Variants in DNTTIP1 observed in about 807,000 individuals in gnomAD.
The protein encoded by DNTTIP1 is deoxynucleotidyltransferase terminal-interacting protein 1.
Under a neutral mutation model 52.9 loss-of-function variants are expected in DNTTIP1, and 22 were observed. The observed-to-expected ratio is 0.42, with a 90% CI of 0.30 to 0.59. The LOEUF (loss-of-function observed/expected upper bound fraction) is 0.59, where lower values mean the gene tolerates loss of function less well. DNTTIP1 is among the 20% of genes least tolerant of loss of function. The pLI is 0.22. For missense variants in DNTTIP1, 286 were observed against 435.5 expected, an observed-to-expected ratio of 0.66 and a Z score of 3.06; for synonymous variants, 136 against 155.1, an observed-to-expected ratio of 0.88 and a Z score of 0.92.
rs1282333718 is a variant in DNTTIP1, at chr20:45,802,603, G to A, written c.557+546G>A. The stretch of plus-strand genomic sequence containing the variant: ...CAGCCTCCCCCATTATCGACATCAG[G>A]CACCAGAGTGGTACATTTGTTACAT... On this transcript the variant is annotated intron_variant, in intron 7 of 12. Transcript: ENST00000372622. 2.6e-5 allele frequency among the ~76,000 whole-genome samples: 4 copies of A among 152,036 alleles called. 1 individual carries two copies. Among genetic ancestry groups the A allele is most frequent in the East Asian group, 3.9e-4 (2 of 5,192 alleles).
intron 10 of DNTTIP1, among the ~76,000 whole-genome samples, chr20:45,807,862 G>C (rs1406174167): frequency 6.6e-6 from 1 of 152,010 alleles, no homozygotes; most frequent in African/African-American, 2.4e-5. Context: ...TGAGGCAGGA[G>C]AATTGCCTAA....
chr20:45,797,881 G>T (rs555842914), intron 4 of DNTTIP1, among the ~76,000 whole-genome samples: 1 of 152,186 alleles, frequency 6.6e-6, no homozygotes, highest in Non-Finnish European at 1.5e-5. Flanking sequence ...TACACTGTTG[G>T]TGGGACCGTA....
chr20:45,809,319 G>T lies in DNTTIP1; in HGVS notation c.795+134G>T. On this transcript the variant is annotated intron_variant, in intron 11 of 12. Coordinates refer to ENST00000372622, the MANE Select transcript of DNTTIP1 (RefSeq NM_052951.3). The surrounding 1 kb of genome is among the most constrained non-coding windows in gnomAD (Gnocchi z 4.2). ...AATGTGTGAGAAGAGAGACTTATAA[G>T]GCCTATTTCTTCATGCTGAAGAGCA... The T allele has an allele frequency of 1.4e-6, 1 of 738,964 alleles. No individual in the cohort carries two copies. The highest frequency in any genetic ancestry group is 1.6e-5 in the South Asian group (1 of 60,832). 45.8% of individuals were successfully genotyped at this position (738,964 alleles called of 1,614,324 possible). A position where few individuals can be genotyped will look rare whatever the true frequency, so the allele number is the denominator to read the frequency against.
In DNTTIP1 at chr20:45,803,397, G is replaced by A. The variant is rs1981536626; in HGVS notation, c.603+19G>A. The A allele has an allele frequency of 2.5e-6, 4 of 1,613,994 alleles. No homozygotes were observed. In the East Asian group the frequency reaches 8.9e-5, roughly 36 times the overall value. ...CCCCAAGGTATGATTATGTGAGCAT[G>A]GCAGAGATCACGATCCCAGGAGATA... On this transcript the variant is annotated intron_variant, in intron 8 of 12. Coordinates refer to ENST00000372622, the MANE Select transcript of DNTTIP1 (RefSeq NM_052951.3).
chr20:45,795,585 G>A, intron 4 of DNTTIP1, 142 bp downstream of exon 4: 1 of 537,012 alleles, frequency 1.9e-6, no homozygotes, highest in Non-Finnish European at 3.4e-6. Context: ...GATCACTCAA[G>A]GCCAGGAGTT....
At chr20:45,803,210 C>T (rs1347106797) in intron 7 of DNTTIP1, 123 bp from the exon 8 acceptor site, 23 of 916,114 alleles carry the variant, frequency 2.5e-5, no homozygotes, top group South Asian at 6.1e-5. Flanking sequence ...TGTGTCACCA[C>T]GAAGGAGGAT....
chr20:45,794,123 T>C, intron 3 of DNTTIP1, 106 bp downstream of exon 3: 1 of 597,644 alleles, frequency 1.7e-6, no homozygotes, highest in Non-Finnish European at 2.8e-6. Flanking sequence ...ATATCTAAAG[T>C]TTTCCTTTCT....
intron 1 of DNTTIP1, 42 bp downstream of exon 1, chr20:45,792,151 G>C: frequency 1.7e-6 from 2 of 1,144,218 alleles, no homozygotes; most frequent in Non-Finnish European, 2.2e-6. Flanking sequence ...GGCCGGGCAC[G>C]GCCTCGGGGC....
At chr20:45,797,221 G>A (rs1412624104) in intron 4 of DNTTIP1, among the ~76,000 whole-genome samples, 1 of 152,178 alleles carries the variant, frequency 6.6e-6, no homozygotes, top group Non-Finnish European at 1.5e-5. Context: ...TCCTGTTGCA[G>A]GGAGAATAAA....
At position 45,811,284 on chromosome 20, in the gene DNTTIP1, G is replaced by C. The variant is rs188029527; in HGVS notation, c.*89G>C. Reference sequence around the variant, plus strand: ...GCCACCGCTGGGACTGCTCCTAGATGGATCTCAGCGGCATTAAGCTGTGCC... The same window carrying C: ...GCCACCGCTGGGACTGCTCCTAGATCGATCTCAGCGGCATTAAGCTGTGCC... On this transcript the variant is annotated 3_prime_UTR_variant, in exon 13 of 13. Coordinates refer to ENST00000372622, the MANE Select transcript of DNTTIP1 (RefSeq NM_052951.3). The C allele has an allele frequency of 1.9e-4, 280 of 1,454,652 alleles. 1 individual carries two copies. In the Admixed American group the frequency reaches 6.0e-3, roughly 31 times the overall value. The allele number at this position is 1,454,652 out of a possible 1,614,324, so 90.1% of individuals were successfully genotyped here. A position where few individuals can be genotyped will look rare whatever the true frequency, so the allele number is the denominator to read the frequency against.
At position 45,809,256 on chromosome 20, in the gene DNTTIP1, G is replaced by A; in HGVS notation, c.795+71G>A. 1 of 1,347,592 alleles carries A rather than the reference G, an allele frequency of 7.4e-7. No homozygotes were observed. Among genetic ancestry groups the A allele is most frequent in the South Asian group, 1.2e-5 (1 of 84,768 alleles). 83.5% of individuals were successfully genotyped at this position (1,347,592 alleles called of 1,614,324 possible). On this transcript the variant is annotated intron_variant, in intron 11 of 12. Coordinates refer to ENST00000372622, the MANE Select transcript of DNTTIP1 (RefSeq NM_052951.3). The surrounding 1 kb of genome is among the most constrained non-coding windows in gnomAD (Gnocchi z 4.2). The stretch of plus-strand genomic sequence containing the variant: ...GGGAACCAGGATTTTGGCTGTGGGT[G>A]ACAGCCTACCTCCAAATCTGACTTC...
chr20:45,809,018 G>T lies in DNTTIP1; in HGVS notation c.724-96G>T. On this transcript the variant is annotated intron_variant, in intron 10 of 12. Transcript: ENST00000372622. This position sits in a 1 kb window ranked among gnomAD's most constrained non-coding sequence, Gnocchi z 4.2. The stretch of plus-strand genomic sequence containing the variant: ...ACCACGCTTGGAGACAAGGACTTTT[G>T]GTAAGAACTGCTCAAGGGCCAAGAG... 2 of 1,085,534 alleles carry T rather than the reference G, an allele frequency of 1.8e-6. No individual in the cohort carries two copies. The highest frequency in any genetic ancestry group is 1.3e-5 in the South Asian group (1 of 76,380). 67.2% of individuals were successfully genotyped at this position (1,085,534 alleles called of 1,614,324 possible).
In DNTTIP1 at chr20:45,801,057, G is replaced by C; in HGVS notation, c.373-17G>C. On this transcript the variant is annotated splice_polypyrimidine_tract_variant and intron_variant, in intron 4 of 12. Transcript: ENST00000372622. The stretch of plus-strand genomic sequence containing the variant: ...ACCAAAATAGTGACTGGTAACACTT[G>C]GTCTTTTTCCCTTCAGGCTAAACTG... 6.2e-7 allele frequency: 1 copy of C among 1,611,898 alleles called. No individual in the cohort carries two copies. The highest frequency in any genetic ancestry group is 8.5e-7 in the Non-Finnish European group (1 of 1,178,264).
chr20:45,804,707 C>T (rs1321489252), intron 8 of DNTTIP1, among the ~76,000 whole-genome samples: 1 of 152,194 alleles, frequency 6.6e-6, no homozygotes, highest in Admixed American at 6.5e-5. Flanking sequence ...GCCAAGCTGC[C>T]TCTCACCTGT....
chr20:45,801,879 C>A, intron 6 of DNTTIP1, 120 bp from the exon 7 acceptor site: 1 of 1,021,290 alleles, frequency 9.8e-7, no homozygotes, highest in Non-Finnish European at 1.6e-6. Context: ...TCTCCCTGTC[C>A]CTGTCAAACA....
chr20:45,800,463 T>G (rs1356220127), intron 4 of DNTTIP1, among the ~76,000 whole-genome samples: 1 of 151,330 alleles, frequency 6.6e-6, no homozygotes, highest in Non-Finnish European at 1.5e-5. Flanking sequence ...CACCTGAGGT[T>G]AAGAGTTCGA....
chr20:45,801,581 A>G, intron 6 of DNTTIP1, 123 bp downstream of exon 6: 1 of 999,634 alleles, frequency 1.0e-6, no homozygotes, highest in Non-Finnish European at 1.5e-6. Flanking sequence ...TGAGCTCAGG[A>G]GTTTTGAGAC....
chr20:45,807,647 A>G (rs1981691526), intron 10 of DNTTIP1, among the ~76,000 whole-genome samples: 1 of 152,180 alleles, frequency 6.6e-6, no homozygotes, highest in Admixed American at 6.5e-5. Flanking sequence ...GGTAGTAGAG[A>G]GCAAAACACA....
chr20:45,801,578 A>T lies in DNTTIP1; in HGVS notation c.498+120A>T. 4.0e-6 allele frequency: 4 copies of T among 1,001,628 alleles called. No individual in the cohort carries two copies. The East Asian group carries it at 9.6e-5, about 24-fold the overall frequency. 62.0% of individuals were successfully genotyped at this position (1,001,628 alleles called of 1,614,324 possible). ...CAAGCGGGGAGGATCACTTGAGCTCAGGAGTTTTGAGACCAGTCTGGGTAA... is the reference window on the plus strand; with the variant it reads ...CAAGCGGGGAGGATCACTTGAGCTCTGGAGTTTTGAGACCAGTCTGGGTAA... On this transcript the variant is annotated intron_variant, in intron 6 of 12. Transcript: ENST00000372622.
Sources: gnomAD v4.1 joint callset for allele counts (sites outside exome capture counted in the v4.1 genomes callset) on GRCh38, gnomAD v4.1.1 for gene constraint, Gnocchi (gnomAD v3.1) non-coding constraint, MANE v1.5 for transcripts, NCBI Gene and HGNC (gene_info 2026-07-23, HGNC 2026-07-21) for gene names.